ADD3: variants seen among roughly 807,000 people sequenced by gnomAD.
ADD3 encodes adducin 3.
In ADD3, 25 loss-of-function variants were observed where a neutral mutation model predicts 80.2. The observed-to-expected ratio is 0.31, with a 90% CI of 0.23 to 0.44. The LOEUF is 0.44. ADD3 is among the 20% of genes least tolerant of loss of function. The pLI is 1.00. For synonymous variants in ADD3, 284 were observed against 289.6 expected, an observed-to-expected ratio of 0.98 and a Z score of 0.20; for missense variants, 829 against 847.5, an observed-to-expected ratio of 0.98 and a Z score of 0.27.
At chr10:110,100,334 A>C (rs1835356972) in intron 1 of ADD3, among the ~76,000 whole-genome samples, 1 of 136,020 alleles carries the variant, frequency 7.4e-6, no homozygotes, top group Non-Finnish European at 1.5e-5. Flanking sequence ...TGGGTGACAC[A>C]GTGAGACTCC....
At chr10:110,129,495 A>C (rs1433366475) in intron 12 of ADD3, among the ~76,000 whole-genome samples, 1 of 152,126 alleles carries the variant, frequency 6.6e-6, no homozygotes, top group African/African-American at 2.4e-5. Flanking sequence ...GATGAGAGAG[A>C]GGGAAATGCT....
intron 1 of ADD3, among the ~76,000 whole-genome samples, chr10:110,076,299 T>C (rs1044941207): frequency 1.3e-5 from 2 of 152,162 alleles, no homozygotes; most frequent in Non-Finnish European, 2.9e-5. Context: ...TAGATCCTAT[T>C]AAAGATATTT....
intron 1 of ADD3, among the ~76,000 whole-genome samples, chr10:110,073,484 C>T (rs538625171): frequency 3.9e-5 from 6 of 152,236 alleles, no homozygotes; most frequent in East Asian, 1.9e-4. Context: ...ACAGTACTAC[C>T]GATAGGGTTG....
intron 1 of ADD3, among the ~76,000 whole-genome samples, chr10:110,040,236 C>G (rs749560032): frequency 5.3e-5 from 8 of 151,518 alleles, no homozygotes; most frequent in African/African-American, 1.7e-4. Context: ...TTAGACATTG[C>G]TAGTTTGAAT....
At chr10:110,020,253 A>T (rs1408821428) in intron 1 of ADD3, among the ~76,000 whole-genome samples, 1 of 152,200 alleles carries the variant, frequency 6.6e-6, no homozygotes, top group Non-Finnish European at 1.5e-5. Flanking sequence ...TTTGGCAGTA[A>T]GCAAAACAGA....
At chr10:110,067,947 T>G (rs2133600499) in intron 1 of ADD3, among the ~76,000 whole-genome samples, 1 of 152,364 alleles carries the variant, frequency 6.6e-6, no homozygotes, top group East Asian at 1.9e-4. Context: ...TTTAAAGGGA[T>G]AACTATTTAT....
At chr10:110,120,414 T>C (rs1452919178) in intron 8 of ADD3, among the ~76,000 whole-genome samples, 4 of 151,912 alleles carry the variant, frequency 2.6e-5, no homozygotes, top group African/African-American at 9.7e-5. Flanking sequence ...TCATCATTTT[T>C]TATGGCTGCA....
chr10:110,063,950 A>G (rs1843597414), intron 1 of ADD3, among the ~76,000 whole-genome samples: 1 of 151,552 alleles, frequency 6.6e-6, no homozygotes, highest in Non-Finnish European at 1.5e-5. Flanking sequence ...TTTGAATACC[A>G]TAGAGTAGTG....
At chr10:110,122,774 A>C (rs1000157987) in intron 9 of ADD3, among the ~76,000 whole-genome samples, 10 of 151,032 alleles carry the variant, frequency 6.6e-5, no homozygotes, top group Non-Finnish European at 1.3e-4. Context: ...CGTGTGTGCC[A>C]CCGTGCCTGG....
At chr10:110,002,139 A>G (rs553109958), upstream of ADD3, among the ~76,000 whole-genome samples, 17 of 152,226 alleles carry the variant, frequency 1.1e-4, no homozygotes, top group East Asian at 3.1e-3. Context: ...TAAAACTACA[A>G]AAATTAGCCA....
At position 110,099,024 on chromosome 10, in the gene ADD3, A is replaced by G. The variant is rs188116145; in HGVS notation, c.-29-1601A>G. ...AGCCTCAACCTCCTGGGCTCAAGGA[A>G]TCCTCCCACCTCCACCTCCTGAGTA... is the stretch of plus-strand genomic sequence containing the variant. On this transcript the variant is annotated intron_variant, in intron 1 of 14. Transcript: ENST00000356080. Among the ~76,000 whole-genome samples, 416 of 151,192 alleles carry G rather than the reference A, an allele frequency of 2.8e-3. 1 individual carries two copies. Among genetic ancestry groups the G allele is most frequent in the Non-Finnish European group, 4.5e-3 (304 of 67,912 alleles).
upstream of ADD3, among the ~76,000 whole-genome samples, chr10:110,005,148 C>T (rs548023598): frequency 6.6e-6 from 1 of 152,102 alleles, no homozygotes; most frequent in Non-Finnish European, 1.5e-5. Context: ...CTGCAAGCTC[C>T]GCCTCCCGGG....
At chr10:110,029,489 T>C (rs1409630881) in intron 1 of ADD3, among the ~76,000 whole-genome samples, 1 of 152,236 alleles carries the variant, frequency 6.6e-6, no homozygotes, top group Non-Finnish European at 1.5e-5. Flanking sequence ...CCTATACGTA[T>C]CATATTTCTG....
chr10:110,019,394 G>T (rs1853392017), intron 1 of ADD3, among the ~76,000 whole-genome samples: 1 of 142,450 alleles, frequency 7.0e-6, no homozygotes, highest in African/African-American at 2.7e-5. Context: ...TTGCTCTGTT[G>T]CCCAGGCTGG....
At position 110,100,696 on chromosome 10, in the gene ADD3, C is replaced by T. The variant is rs775197377; in HGVS notation, c.43C>T (p.Pro15Ser). ...ASQGVITTPP[P>S]PSMPHKERYF... ...CCAAGGCGTGATTACCACTCCTCCTCCTCCCAGCATGCCTCACAAAGAGAG... is the reference window on the plus strand; with the variant it reads ...CCAAGGCGTGATTACCACTCCTCCTTCTCCCAGCATGCCTCACAAAGAGAG... Residue 15 changes from proline (P) to serine (S), a missense_variant, in exon 2 of 15, where the codon CCT becomes TCT. Pro to Ser is a moderately conservative substitution (Grantham distance 74). Transcript: ENST00000356080. The T allele has an allele frequency of 2.5e-6, 4 of 1,613,120 alleles. No individual in the cohort carries two copies. The highest frequency in any genetic ancestry group is 3.3e-5 in the Admixed American group (2 of 59,850).
chr10:110,133,317 C>G lies in ADD3; in HGVS notation c.1829-9C>G. The G allele has an allele frequency of 6.4e-7, 1 of 1,566,296 alleles. No homozygotes were observed. The highest frequency in any genetic ancestry group is 1.4e-5 in the African/African-American group (1 of 73,614). On this transcript the variant is annotated splice_polypyrimidine_tract_variant and intron_variant, in intron 14 of 14. Transcript: ENST00000356080. ...AAAATAACCCCCAAAAAACCCTCCC[C>G]TTTCGTAGAAAACCATGAGCTGTTT...
At chr10:110,007,557 G>C (rs938371270), upstream of ADD3, among the ~76,000 whole-genome samples, 1 of 152,194 alleles carries the variant, frequency 6.6e-6, no homozygotes, top group Non-Finnish European at 1.5e-5. Context: ...GTTTCTATCG[G>C]GGTCGTTTCC....
intron 1 of ADD3, among the ~76,000 whole-genome samples, chr10:110,072,459 A>G (rs1220339670): frequency 6.6e-6 from 1 of 152,214 alleles, no homozygotes; most frequent in African/African-American, 2.4e-5. Flanking sequence ...TGTGAGAGGT[A>G]TACCCAGGGA....
chr10:110,025,664 A>C (rs1187834002), intron 1 of ADD3, among the ~76,000 whole-genome samples: 2 of 152,232 alleles, frequency 1.3e-5, no homozygotes, highest in Non-Finnish European at 2.9e-5. Context: ...AGTCTGATTA[A>C]AGGAAGTTCC....
Sources: gnomAD v4.1 joint callset for allele counts (sites outside exome capture counted in the v4.1 genomes callset) on GRCh38, gnomAD v4.1.1 for gene constraint, MANE v1.5 for transcripts, NCBI Gene and HGNC (gene_info 2026-07-23, HGNC 2026-07-21) for gene names.